Variants in KLHL4 observed in about 807,000 individuals in gnomAD.
KLHL4 encodes kelch like family member 4, also known as kelch-like protein 4.
KLHL4 carries 17 observed loss-of-function variants against 45.8 expected under a neutral mutation model. The observed-to-expected ratio is 0.37, with a 90% CI of 0.25 to 0.56. The LOEUF (loss-of-function observed/expected upper bound fraction) is 0.56. KLHL4 is among the 20% of genes least tolerant of loss of function. The pLI, the probability that KLHL4 is intolerant of heterozygous loss-of-function variation, is 0.79. For missense variants in KLHL4, 544 were observed against 544.9 expected (o/e 1.00, Z 0.02); for synonymous variants, 224 against 189.9 (o/e 1.18, Z -1.47).
intron 9 of KLHL4, among the ~76,000 whole-genome samples, chrX:87,663,335 T>G (rs1166119282): frequency 8.9e-6 from 1 of 112,162 alleles, no homozygotes; most frequent in African/African-American, 3.2e-5. Flanking sequence ...GCTATTTTAA[T>G]TTGAATATGC....
intron 1 of KLHL4, among the ~76,000 whole-genome samples, chrX:87,607,980 G>GT (rs1402806965): frequency 3.6e-5 from 4 of 111,194 alleles, no homozygotes; most frequent in Non-Finnish European, 5.7e-5. Context: ...ATTATAATAG[G>GT]TATCACCAAC....
At chrX:87,595,993 C>G (rs1384797315) in intron 1 of KLHL4, among the ~76,000 whole-genome samples, 2 of 110,995 alleles carry the variant, frequency 1.8e-5, no homozygotes, top group Non-Finnish European at 3.8e-5. Flanking sequence ...TTAGTACCAT[C>G]TTCTGGATAC....
intron 1 of KLHL4, among the ~76,000 whole-genome samples, chrX:87,609,394 T>G (rs371364798): frequency 8.9e-6 from 1 of 111,824 alleles, no homozygotes; most frequent in African/African-American, 3.3e-5. Flanking sequence ...AAAGTGTTCC[T>G]ATTTCTCCAC....
chrX:87,615,124 C>T lies in KLHL4; in HGVS notation c.727+554C>T, dbSNP rs1237974448. Among the ~76,000 whole-genome samples, 3 of 111,113 alleles carry T rather than the reference C, an allele frequency of 2.7e-5. No homozygotes were observed. In the Admixed American group the frequency reaches 2.9e-4, roughly 11 times the overall value. On this transcript the variant is annotated intron_variant, in intron 3 of 10. Transcript: ENST00000373119. ...TTATTTGATTATGTATACTTAGGCT[C>T]TTCTTAAGACTAAAAGCTTACCTCC...
chrX:87,654,556 T>C (rs147570682), intron 9 of KLHL4, among the ~76,000 whole-genome samples: 1,345 of 111,583 alleles, frequency 0.012, 15 homozygotes, highest in African/African-American at 0.042. Flanking sequence ...TTGGTGGACA[T>C]TTAGGTTGAT....
At chrX:87,559,322 C>T (rs1932046340) in intron 1 of KLHL4, among the ~76,000 whole-genome samples, 1 of 111,886 alleles carries the variant, frequency 8.9e-6, no homozygotes, top group East Asian at 2.8e-4. Flanking sequence ...GTTCTGGAAG[C>T]ATTTTGTGAG....
chrX:87,642,336 A>G (rs944094627), intron 9 of KLHL4, among the ~76,000 whole-genome samples: 6 of 111,745 alleles, frequency 5.4e-5, no homozygotes, highest in African/African-American at 2.0e-4. Context: ...CCATAAGAAA[A>G]GGGGGATAGC....
At chrX:87,603,902 C>A (rs1922101692) in intron 1 of KLHL4, among the ~76,000 whole-genome samples, 2 of 109,711 alleles carry the variant, frequency 1.8e-5, no homozygotes, top group South Asian at 7.8e-4. Context: ...CACTGCTTCC[C>A]AGTCTCTAGT....
chrX:87,610,649 A>G (rs1922338079), intron 1 of KLHL4, among the ~76,000 whole-genome samples: 1 of 112,130 alleles, frequency 8.9e-6, no homozygotes, highest in Admixed American at 9.5e-5. Flanking sequence ...TATCAAAATC[A>G]TTGCTGAGTT....
intron 1 of KLHL4, among the ~76,000 whole-genome samples, chrX:87,611,624 A>G (rs1454292624): frequency 9.5e-6 from 1 of 105,295 alleles, no homozygotes; most frequent in African/African-American, 3.5e-5. Flanking sequence ...AGTACCTTAT[A>G]ATGATAATAA....
chrX:87,563,652 A>C (rs6617435), intron 1 of KLHL4, among the ~76,000 whole-genome samples: 24,797 of 105,784 alleles, frequency 0.23, 2,855 homozygotes, highest in East Asian at 0.49. Flanking sequence ...GGCAAATGTA[A>C]GTTATTGGCC....
chrX:87,534,714 G>C (rs1299654688), intron 1 of KLHL4, among the ~76,000 whole-genome samples: 2 of 111,448 alleles, frequency 1.8e-5, no homozygotes, highest in Non-Finnish European at 3.8e-5. Flanking sequence ...CAGCAACTTG[G>C]CATGGATCAC....
chrX:87,646,268 A>G (rs1246859253), intron 9 of KLHL4, among the ~76,000 whole-genome samples: 1 of 111,781 alleles, frequency 8.9e-6, no homozygotes, highest in Non-Finnish European at 1.9e-5. Context: ...ATGGAACTAC[A>G]TCCCATGCTC....
chrX:87,600,208 C>T (rs1296814685), intron 1 of KLHL4, among the ~76,000 whole-genome samples: 1 of 110,898 alleles, frequency 9.0e-6, no homozygotes, highest in Non-Finnish European at 1.9e-5. Flanking sequence ...GTAGCACCAG[C>T]CGGGGAGGTG....
At chrX:87,583,075 G>A in intron 1 of KLHL4, among the ~76,000 whole-genome samples, 1 of 111,520 alleles carries the variant, frequency 9.0e-6, no homozygotes, top group South Asian at 3.8e-4. Context: ...TAACTACAGA[G>A]TGATGATTGG....
chrX:87,605,778 A>G (rs1256002689), intron 1 of KLHL4, among the ~76,000 whole-genome samples: 1 of 111,478 alleles, frequency 9.0e-6, no homozygotes, highest in Admixed American at 9.6e-5. Context: ...AAGTGGTAAC[A>G]GTGGTCATCT....
intron 1 of KLHL4, among the ~76,000 whole-genome samples, chrX:87,582,439 A>C (rs1206272976): frequency 7.2e-5 from 8 of 111,813 alleles, no homozygotes; most frequent in Non-Finnish European, 1.5e-4. Context: ...CTGTAAGAGC[A>C]GAAAGAAAAA....
intron 1 of KLHL4, among the ~76,000 whole-genome samples, chrX:87,603,758 G>C (rs1183043600): frequency 9.1e-6 from 1 of 109,521 alleles, no homozygotes; most frequent in East Asian, 2.9e-4. Context: ...TTCTTTTCCA[G>C]CTATCTGCTA....
At chrX:87,643,585 G>GA (rs1399483821) in intron 9 of KLHL4, among the ~76,000 whole-genome samples, 5 of 111,032 alleles carry the variant, frequency 4.5e-5, no homozygotes, top group Admixed American at 9.6e-5. Flanking sequence ...CCAAAACCAG[G>GA]AAAAGACATA....
Sources: allele counts gnomAD v4.1 joint callset (sites outside exome capture counted in the v4.1 genomes callset), GRCh38; gene constraint gnomAD v4.1.1; transcripts MANE v1.5; gene names NCBI Gene and HGNC (gene_info 2026-07-23, HGNC 2026-07-21).